The following CSMD3 variants were observed in gnomAD, a reference collection of about 807,000 sequenced individuals.
The protein encoded by CSMD3 is CUB and Sushi multiple domains 3.
In CSMD3, 177 loss-of-function variants were observed where a neutral mutation model predicts 435.2. That is an observed-to-expected ratio of 0.41 (90% confidence interval 0.36 to 0.46). The LOEUF is 0.46. Ranked by LOEUF, CSMD3 falls within the 20% of genes least tolerant of loss-of-function variation. CSMD3 has a pLI of 0.34. For missense variants in CSMD3, 4,265 were observed against 4,504.6 expected, an observed-to-expected ratio of 0.95 and a Z score of 1.52; for synonymous variants, 1,656 against 1,520.5, an observed-to-expected ratio of 1.09 and a Z score of -2.07.
intron 32 of CSMD3, among the ~76,000 whole-genome samples, chr8:112,435,418 G>A (rs1200384020): frequency 6.6e-6 from 1 of 152,140 alleles, no homozygotes; most frequent in Middle Eastern, 3.4e-3. Context: ...TGGCTGCACA[G>A]CTAGTAAGAG....
intron 38 of CSMD3, among the ~76,000 whole-genome samples, chr8:112,367,320 G>C (rs889750118): frequency 1.3e-5 from 2 of 152,164 alleles, no homozygotes; most frequent in African/African-American, 2.4e-5. Context: ...AGAAACATAT[G>C]AGATCCAATT....
chr8:113,030,434 A>ATAT (rs2087052954), intron 5 of CSMD3, among the ~76,000 whole-genome samples: 7 of 148,722 alleles, frequency 4.7e-5, no homozygotes, highest in African/African-American at 1.7e-4. Context: ...AAAAAAAAAA[A>ATAT]AAAAAAAAAA....
intron 1 of CSMD3, among the ~76,000 whole-genome samples, chr8:113,315,690 G>A (rs1263035993): frequency 6.8e-6 from 1 of 147,342 alleles, no homozygotes; most frequent in Non-Finnish European, 1.5e-5. Context: ...TATATCAAAT[G>A]TATATTAAAT....
chr8:112,453,783 A>G (rs1370435618), intron 32 of CSMD3, among the ~76,000 whole-genome samples: 1 of 152,180 alleles, frequency 6.6e-6, no homozygotes, highest in Non-Finnish European at 1.5e-5. Context: ...TACGAAACCA[A>G]AAATGAGCAT....
intron 5 of CSMD3, among the ~76,000 whole-genome samples, chr8:113,073,480 C>T (rs1002389149): frequency 6.6e-6 from 1 of 151,732 alleles, no homozygotes; most frequent in African/African-American, 2.4e-5. Context: ...AAGGCAACCC[C>T]CTGCACATGT....
Position 112,638,865 on chromosome 8 carries a change from G to T in CSMD3, c.3357C>A (p.Asp1119Glu). 1 of 1,613,318 alleles carries T rather than the reference G, an allele frequency of 6.2e-7. No homozygotes were observed. The highest frequency in any genetic ancestry group is 8.5e-7 in the Non-Finnish European group (1 of 1,179,500). ...TGCCATTCTCTGTGATCAGTAAGTA[G>T]TCATGATGGTCTTCCAAATGAAAAG... ...FHTFHLEDHH[D>E]YLLITENGSF... The change falls in exon 21 of 71, where the codon GAC (aspartate) becomes GAA (glutamate). Residue 1119 changes from aspartate (D) to glutamate (E), a missense_variant. Physicochemically the swap from Asp to Glu is conservative, Grantham distance 45 (BLOSUM62 2). This residue lies in a region of CSMD3 where 3,255 missense variants were observed against 3,380.2 expected (regional missense o/e 0.96). Transcript: ENST00000297405.
intron 6 of CSMD3, among the ~76,000 whole-genome samples, chr8:113,005,473 T>C (rs1355333140): frequency 3.3e-5 from 5 of 151,950 alleles, no homozygotes; most frequent in Admixed American, 2.6e-4. Flanking sequence ...GTTCTCATAA[T>C]TATATGTACG....
chr8:112,689,999 C>G lies in CSMD3; in HGVS notation c.2024G>C (p.Arg675Thr). The change falls in exon 14 of 71, where the codon AGA becomes ACA. Residue 675 changes from arginine to threonine, a missense_variant. Physicochemically the swap from Arg to Thr is moderately conservative, Grantham distance 71. Transcript: ENST00000297405. ...GDPGTPLYGI[R>T]EGDGFSNRDV... ...ACGATTAGAAAATCCATCGCCTTCT[C>G]TAATTCCATATAAGGGTGTACCAGG... 1 of 1,613,292 alleles carries G rather than the reference C, an allele frequency of 6.2e-7. No individual in the cohort carries two copies.
At chr8:112,368,872 T>A (rs969437599) in intron 38 of CSMD3, among the ~76,000 whole-genome samples, 3 of 152,196 alleles carry the variant, frequency 2.0e-5, no homozygotes, top group African/African-American at 7.2e-5. Context: ...CACAGTAATT[T>A]AAAAAAATAA....
intron 20 of CSMD3, among the ~76,000 whole-genome samples, chr8:112,644,809 T>G (rs2074933815): frequency 6.6e-6 from 1 of 152,116 alleles, no homozygotes; most frequent in Admixed American, 6.6e-5. Flanking sequence ...TGCCAGAAAC[T>G]AAAGCCCTCT....
rs190421533 is a variant in CSMD3 at position 112,230,667 on chromosome 8, A to G, written c.10828+878T>C. Among the ~76,000 whole-genome samples, 344 of 152,068 alleles carry G rather than the reference A, an allele frequency of 2.3e-3. 1 individual carries two copies. The highest frequency in any genetic ancestry group is 6.9e-3 in the African/African-American group (286 of 41,514). On this transcript the variant is annotated intron_variant, in intron 69 of 70. Coordinates refer to ENST00000297405, the MANE Select transcript of CSMD3 (RefSeq NM_198123.2). ...GGCATGGTAGCTAATTCCAGCTACC[A>G]TGGTAGTGTGCATGGTGGTCTGTAA... is the stretch of plus-strand genomic sequence containing the variant.
chr8:112,991,742 T>C (rs1251732786), intron 6 of CSMD3, among the ~76,000 whole-genome samples: 3 of 151,878 alleles, frequency 2.0e-5, no homozygotes, highest in Admixed American at 1.3e-4. Context: ...TGATACTAAA[T>C]TTCTAAGCAT....
At chr8:113,323,656 G>A (rs752558118) in intron 1 of CSMD3, among the ~76,000 whole-genome samples, 22 of 151,846 alleles carry the variant, frequency 1.4e-4, no homozygotes, top group Non-Finnish European at 2.4e-4. Flanking sequence ...AGAAATAGTG[G>A]GTAAAACAAC....
intron 2 of CSMD3, among the ~76,000 whole-genome samples, chr8:113,284,614 A>G (rs1233579054): frequency 1.3e-5 from 2 of 152,114 alleles, no homozygotes; most frequent in Non-Finnish European, 2.9e-5. Flanking sequence ...TATGATTTGT[A>G]TCTTTAAAAT....
At chr8:113,074,573 C>T (rs2089263763) in intron 5 of CSMD3, among the ~76,000 whole-genome samples, 1 of 151,866 alleles carries the variant, frequency 6.6e-6, no homozygotes, top group Admixed American at 6.6e-5. Flanking sequence ...AATTATGTAT[C>T]ATATAATCTT....
At chr8:113,288,502 T>A (rs956633244) in intron 2 of CSMD3, among the ~76,000 whole-genome samples, 3 of 151,924 alleles carry the variant, frequency 2.0e-5, no homozygotes, top group Non-Finnish European at 2.9e-5. Flanking sequence ...AAACCTTCTA[T>A]AATGTCCCCC....
chr8:112,661,880 C>T (rs946592575), intron 17 of CSMD3, among the ~76,000 whole-genome samples: 1 of 152,022 alleles, frequency 6.6e-6, no homozygotes, highest in African/African-American at 2.4e-5. Flanking sequence ...TACTCCCCAA[C>T]ATCACCCAGA....
At chr8:112,283,492 T>C (rs1339042725) in intron 58 of CSMD3, among the ~76,000 whole-genome samples, 1 of 151,712 alleles carries the variant, frequency 6.6e-6, no homozygotes, top group Non-Finnish European at 1.5e-5. Flanking sequence ...TATGTGTATA[T>C]GATTATGTAT....
chr8:112,235,532 T>C (rs987141543), intron 67 of CSMD3, among the ~76,000 whole-genome samples: 13 of 152,152 alleles, frequency 8.5e-5, no homozygotes, highest in Non-Finnish European at 1.9e-4. Context: ...CAAAAATATA[T>C]ACAATGATTT....
Sources: allele counts gnomAD v4.1 joint callset (sites outside exome capture counted in the v4.1 genomes callset), GRCh38; gene constraint gnomAD v4.1.1; regional missense constraint gnomAD v4.1.1; transcripts MANE v1.5; gene names NCBI Gene and HGNC (gene_info 2026-07-23, HGNC 2026-07-21).